The following KLRG1 variants were observed in gnomAD, a reference collection of about 807,000 sequenced individuals.
KLRG1 encodes the protein killer cell lectin-like receptor subfamily G member 1.
KLRG1 carries 16 observed loss-of-function variants against 21.8 expected under a neutral mutation model. That is an observed-to-expected ratio of 0.73 (90% CI 0.50 to 1.11). The LOEUF (loss-of-function observed/expected upper bound fraction) is 1.11, where lower values mean the gene tolerates loss of function less well. KLRG1 is among the 50% of genes most tolerant of loss of function. The probability of loss-of-function intolerance (pLI) is 0.00; values close to 1 mark genes in which losing one functional copy is unlikely to be tolerated. For synonymous variants in KLRG1, 69 were observed against 75.9 expected (o/e 0.91, Z 0.47); for missense variants, 173 against 218.3 (o/e 0.79, Z 1.31).
the KLRG1 span, chr12:9,200,882 T>C: frequency 1.9e-6 from 3 of 1,609,464 alleles, no homozygotes; most frequent in Non-Finnish European, 1.7e-6. Flanking sequence ...TCATCTTCCA[T>C]AATCCATACC....
At chr12:9,093,550 G>A in the KLRG1 span, 19 of 1,609,250 alleles carry the variant, frequency 1.2e-5, no homozygotes, top group African/African-American at 2.7e-5. Flanking sequence ...TGCACCAGGC[G>A]TGCATGGCCT....
chr12:8,998,392 T>C (rs746251538), intron 3 of KLRG1, among the ~76,000 whole-genome samples: 3 of 151,852 alleles, frequency 2.0e-5, no homozygotes, highest in Non-Finnish European at 2.9e-5. Flanking sequence ...CAGAGCCAAA[T>C]TTTAAATTCT....
chr12:9,169,506 C>T, the KLRG1 span: 98 of 1,612,584 alleles, frequency 6.1e-5, no homozygotes, highest in African/African-American at 9.9e-4. Context: ...GAAGAAAGGA[C>T]GGGGACAGTG....
At chr12:8,997,708 C>T (rs888225634) in intron 3 of KLRG1, among the ~76,000 whole-genome samples, 2 of 152,280 alleles carry the variant, frequency 1.3e-5, no homozygotes, top group Non-Finnish European at 2.9e-5. Flanking sequence ...AGATCACTTA[C>T]GGCAAAGTGT....
the KLRG1 span, chr12:9,160,400 G>C: frequency 6.2e-7 from 1 of 1,614,076 alleles, no homozygotes; most frequent in Non-Finnish European, 8.5e-7. Context: ...ATAGATGTTA[G>C]GAGCAAATAG....
chr12:9,072,061 A>G, the KLRG1 span, among the ~76,000 whole-genome samples: 1 of 152,218 alleles, frequency 6.6e-6, no homozygotes, highest in Non-Finnish European at 1.5e-5. Context: ...ATAAAGCAAG[A>G]ATAATATAGG....
chr12:8,973,683 C>G (rs1946609155), intron 1 of KLRG1, among the ~76,000 whole-genome samples: 2 of 152,324 alleles, frequency 1.3e-5, no homozygotes, highest in East Asian at 1.9e-4. Context: ...TATCCATGAA[C>G]ATGGGATATC....
At chr12:9,045,451 T>C in the KLRG1 span, among the ~76,000 whole-genome samples, 1 of 152,258 alleles carries the variant, frequency 6.6e-6, no homozygotes, top group African/African-American at 2.4e-5. Flanking sequence ...TTACCCAATA[T>C]ATAATAATCT....
the KLRG1 span, among the ~76,000 whole-genome samples, chr12:9,018,863 G>A: frequency 6.6e-6 from 1 of 152,074 alleles, no homozygotes; most frequent in African/African-American, 2.4e-5. Context: ...TAGGACATTG[G>A]TCTGAGCAAA....
the KLRG1 span, among the ~76,000 whole-genome samples, chr12:9,137,061 C>T: frequency 4.8e-4 from 73 of 152,108 alleles, no homozygotes; most frequent in African/African-American, 1.5e-3. Flanking sequence ...TTTTTGTTTT[C>T]GTTGTCTGTG....
intron 2 of KLRG1, among the ~76,000 whole-genome samples, chr12:8,994,821 G>A (rs1805748): frequency 0.01 from 1,534 of 152,302 alleles, 26 homozygotes; most frequent in African/African-American, 0.034. Flanking sequence ...CACAAGTCAA[G>A]TACTTGCTCC....
downstream of KLRG1, among the ~76,000 whole-genome samples, chr12:9,012,589 A>G (rs1947647162): frequency 6.6e-6 from 1 of 151,634 alleles, no homozygotes; most frequent in Non-Finnish European, 1.5e-5. Context: ...CTTCTGCTTG[A>G]GGAAATTAGA....
chr12:9,180,116 A>G, the KLRG1 span, among the ~76,000 whole-genome samples: 38 of 152,296 alleles, frequency 2.5e-4, no homozygotes, highest in Middle Eastern at 3.4e-3. Context: ...TTTACTCTCA[A>G]TAGAGGCTTA....
the KLRG1 span, among the ~76,000 whole-genome samples, chr12:9,043,495 A>T: frequency 6.6e-6 from 1 of 152,248 alleles, no homozygotes; most frequent in African/African-American, 2.4e-5. Flanking sequence ...GATTTAGGTG[A>T]TGAAATCTTA....
intron 3 of KLRG1, among the ~76,000 whole-genome samples, chr12:9,002,891 A>G (rs1357810827): frequency 7.3e-6 from 1 of 137,642 alleles, no homozygotes; most frequent in Non-Finnish European, 1.5e-5. Context: ...TGCTGCTTCT[A>G]TATTCTCTCT....
chr12:9,028,659 G>T, the KLRG1 span: 3 of 406,214 alleles, frequency 7.4e-6, no homozygotes, highest in Admixed American at 9.9e-5. Flanking sequence ...GTCCAGGATG[G>T]TTTCGATCTC....
intron 1 of KLRG1, among the ~76,000 whole-genome samples, chr12:8,953,255 TCCCCCAC>T (rs1946236127): frequency 6.6e-6 from 1 of 152,130 alleles, no homozygotes; most frequent in South Asian, 2.1e-4. Flanking sequence ...GTGGAGGTGG[TCCCCCAC>T]CCCTGCAGTC....
chr12:8,962,967 G>T (rs1417964643), intron 1 of KLRG1, among the ~76,000 whole-genome samples: 1 of 151,978 alleles, frequency 6.6e-6, no homozygotes, highest in Non-Finnish European at 1.5e-5. Flanking sequence ...TTAGGCAGAA[G>T]AAACATGAAA....
chr12:9,053,197 G>C, the KLRG1 span, among the ~76,000 whole-genome samples: 1 of 136,062 alleles, frequency 7.3e-6, no homozygotes, highest in Admixed American at 7.6e-5. Flanking sequence ...GGGTGTGAGT[G>C]TGCCTGCGAC....
Sources: gnomAD v4.1 joint callset for allele counts (sites outside exome capture counted in the v4.1 genomes callset) on GRCh38, gnomAD v4.1.1 for gene constraint, MANE v1.5 for transcripts, NCBI Gene and HGNC (gene_info 2026-07-23, HGNC 2026-07-21) for gene names.